The following SCNN1B variants were observed in gnomAD, a reference collection of about 807,000 sequenced individuals.
SCNN1B encodes the protein epithelial sodium channel subunit beta.
A neutral mutation model predicts 65.3 loss-of-function variants in SCNN1B; 46 were observed. That is an observed-to-expected ratio of 0.70 (90% CI 0.56 to 0.90). The LOEUF (loss-of-function observed/expected upper bound fraction) is 0.90. Ranked by LOEUF, SCNN1B falls within the 40% of genes least tolerant of loss-of-function variation. SCNN1B has a pLI of 0.00. For missense variants in SCNN1B, 751 were observed against 830.5 expected (o/e 0.90, Z 1.18); for synonymous variants, 349 against 330.6 (o/e 1.06, Z -0.60).
intron 4 of SCNN1B, among the ~76,000 whole-genome samples, chr16:23,360,985 A>G (rs879815227): frequency 1.5e-4 from 23 of 152,170 alleles, no homozygotes; most frequent in Admixed American, 3.9e-4. Flanking sequence ...TAGTAGAGAC[A>G]GGGTTTCACT....
chr16:23,369,755 AT>A (rs547279118), intron 5 of SCNN1B, among the ~76,000 whole-genome samples: 36 of 152,310 alleles, frequency 2.4e-4, no homozygotes, highest in Non-Finnish European at 4.6e-4. Context: ...CCAGAGGCAG[AT>A]GGTTATAGTC....
intron 1 of SCNN1B, among the ~76,000 whole-genome samples, chr16:23,302,810 C>G (rs1961114054): frequency 6.6e-6 from 1 of 152,226 alleles, no homozygotes; most frequent in African/African-American, 2.4e-5. Flanking sequence ...CTGGGCACAG[C>G]TCAGCAGAGC....
chr16:23,307,495 T>A (rs944941231), intron 1 of SCNN1B, among the ~76,000 whole-genome samples: 3 of 152,080 alleles, frequency 2.0e-5, no homozygotes, highest in African/African-American at 7.2e-5. Context: ...AATTTTTGTA[T>A]TTTTAGTAAA....
intron 1 of SCNN1B, among the ~76,000 whole-genome samples, chr16:23,307,534 G>T (rs779850634): frequency 6.6e-6 from 1 of 152,054 alleles, no homozygotes; most frequent in African/African-American, 2.4e-5. Flanking sequence ...TGGCCAAGCT[G>T]GTCTCGAACT....
Position 23,340,284 on chromosome 16 carries a change from G to A in SCNN1B, c.-8-8308G>A, listed in dbSNP as rs1317050452. ...CAACCATGTCTTTTGAAAAGCAGAAGATTTTAATTCTAATAAGGTACAATT... is the reference window on the plus strand; with the variant it reads ...CAACCATGTCTTTTGAAAAGCAGAAAATTTTAATTCTAATAAGGTACAATT... On this transcript the variant is annotated intron_variant, in intron 1 of 12. Transcript: ENST00000343070. Among the ~76,000 whole-genome samples, 4 of 152,134 alleles carry A rather than the reference G, an allele frequency of 2.6e-5. No individual in the cohort carries two copies. The East Asian group carries it at 7.7e-4, about 29-fold the overall frequency.
intron 2 of SCNN1B, among the ~76,000 whole-genome samples, chr16:23,351,471 G>A (rs1209578557): frequency 3.3e-5 from 5 of 152,134 alleles, no homozygotes; most frequent in Non-Finnish European, 5.9e-5. Flanking sequence ...CACCTGCACA[G>A]ACGCCACCCT....
chr16:23,323,249 C>T (rs888552661), intron 1 of SCNN1B, among the ~76,000 whole-genome samples: 4 of 151,722 alleles, frequency 2.6e-5, no homozygotes, highest in East Asian at 1.9e-4. Context: ...GACCTCCATT[C>T]ACAGAGGACT....
intron 5 of SCNN1B, 56 bp downstream of exon 5, chr16:23,368,015 T>C: frequency 2.3e-6 from 3 of 1,323,082 alleles, no homozygotes; most frequent in South Asian, 2.3e-5. Flanking sequence ...ACCCCCACAA[T>C]GTGGGACTGA....
intron 1 of SCNN1B, among the ~76,000 whole-genome samples, chr16:23,305,920 C>A (rs932579062): frequency 6.6e-6 from 1 of 152,040 alleles, no homozygotes. Context: ...CACAGCCAAT[C>A]TCTATCTCCC....
At chr16:23,374,251 G>A (rs1386443876) in intron 7 of SCNN1B, among the ~76,000 whole-genome samples, 1 of 122,722 alleles carries the variant, frequency 8.1e-6, no homozygotes, top group Admixed American at 1.1e-4. Flanking sequence ...GGGCAACAGA[G>A]TGAGACCCTG....
At chr16:23,291,068 CTTT>C (rs5816210) in intron 2 of SCNN1B, among the ~76,000 whole-genome samples, 1 of 133,234 alleles carries the variant, frequency 7.5e-6, no homozygotes, top group Non-Finnish European at 1.6e-5. Flanking sequence ...ATTTTTTTTT[CTTT>C]TTTTTTTTTT....
At position 23,380,606 on chromosome 16, in the gene SCNN1B, C is replaced by G; in HGVS notation, c.1728C>G (p.Pro576=). 1 of 1,614,004 alleles carries G rather than the reference C, an allele frequency of 6.2e-7. No homozygotes were observed. The highest frequency in any genetic ancestry group is 1.1e-5 in the South Asian group (1 of 91,066). Residue 576 remains proline, a synonymous_variant, in exon 13 of 13, where the codon CCC becomes CCG. Coordinates refer to ENST00000343070, the MANE Select transcript of SCNN1B (RefSeq NM_000336.3). This position sits in a 1 kb window ranked among gnomAD's most constrained non-coding sequence, Gnocchi z 5.4. ...RAQASYAGPP[P]TVAELVEAHT... ...AAGCCAGCTACGCTGGCCCACCGCC[C>G]ACCGTGGCCGAGCTGGTGGAGGCCC...
At chr16:23,331,893 G>A (rs1342418280) in intron 1 of SCNN1B, among the ~76,000 whole-genome samples, 2 of 152,160 alleles carry the variant, frequency 1.3e-5, no homozygotes, top group Admixed American at 6.5e-5. Context: ...ACCATGAAGT[G>A]TGAGCTAAGG....
At chr16:23,359,692 C>A (rs142304069) in intron 4 of SCNN1B, among the ~76,000 whole-genome samples, 1 of 151,830 alleles carries the variant, frequency 6.6e-6, no homozygotes, top group African/African-American at 2.4e-5. Flanking sequence ...AAATGTGAGC[C>A]GCATGTGGAC....
intron 1 of SCNN1B, among the ~76,000 whole-genome samples, chr16:23,345,009 A>AAGAGAGAGAG (rs112886828): frequency 6.7e-6 from 1 of 148,810 alleles, no homozygotes; most frequent in Non-Finnish European, 1.5e-5. Flanking sequence ...AGGAGAGAGA[A>AAGAGAGAGAG]AGAGAGAGAG....
chr16:23,309,582 C>T (rs1029701710), intron 1 of SCNN1B, among the ~76,000 whole-genome samples: 10 of 152,156 alleles, frequency 6.6e-5, no homozygotes, highest in Admixed American at 2.6e-4. Context: ...TGTTTGAAAG[C>T]GGGAAGGGTC....
At chr16:23,313,846 G>A (rs193002669) in intron 1 of SCNN1B, among the ~76,000 whole-genome samples, 6 of 152,226 alleles carry the variant, frequency 3.9e-5, no homozygotes, top group Admixed American at 2.6e-4. Flanking sequence ...TCTTGACCTC[G>A]TGATCTGCCC....
intron 2 of SCNN1B, among the ~76,000 whole-genome samples, chr16:23,289,304 C>T (rs1232105730): frequency 2.6e-5 from 4 of 152,206 alleles, no homozygotes; most frequent in Admixed American, 6.5e-5. Context: ...CCTGTAATCC[C>T]AGTGCTTTGG....
chr16:23,361,585 G>A (rs971868731), intron 4 of SCNN1B, among the ~76,000 whole-genome samples: 2 of 152,204 alleles, frequency 1.3e-5, no homozygotes, highest in Non-Finnish European at 2.9e-5. Flanking sequence ...GATTTAGGTT[G>A]TAATCCAATT....
Sources: gnomAD v4.1 joint callset for allele counts (sites outside exome capture counted in the v4.1 genomes callset) on GRCh38, gnomAD v4.1.1 for gene constraint, Gnocchi (gnomAD v3.1) non-coding constraint, MANE v1.5 for transcripts, NCBI Gene and HGNC (gene_info 2026-07-23, HGNC 2026-07-21) for gene names.